MED13L: variants seen among roughly 807,000 people sequenced by gnomAD.
MED13L encodes mediator complex subunit 13L.
MED13L carries 7 observed loss-of-function variants against 220.9 expected under a neutral mutation model. That is an observed-to-expected ratio of 0.03 (90% confidence interval 0.02 to 0.06). The LOEUF is 0.06. Ranked by LOEUF, MED13L falls within the 10% of genes least tolerant of loss-of-function variation. The probability of loss-of-function intolerance (pLI) is 1.00; values close to 1 mark genes in which losing one functional copy is unlikely to be tolerated. For missense variants in MED13L, 1,965 were observed against 2,760.5 expected (o/e 0.71, Z 6.46); for synonymous variants, 1,011 against 1,015.2 (o/e 1.00, Z 0.08).
At chr12:116,237,441 T>A in intron 2 of MED13L, 27 bp downstream of exon 2, 1 of 1,530,670 alleles carries the variant, frequency 6.5e-7, no homozygotes, top group South Asian at 1.1e-5. Flanking sequence ...ATGCAAATAA[T>A]TTTTAAGAAA....
chr12:115,989,601 C>G (rs181501250), intron 17 of MED13L, among the ~76,000 whole-genome samples: 1 of 152,138 alleles, frequency 6.6e-6, no homozygotes, highest in East Asian at 1.9e-4. Flanking sequence ...GATACCTCTA[C>G]CTGGATATAT....
intron 2 of MED13L, among the ~76,000 whole-genome samples, chr12:116,221,177 C>T (rs1345976001): frequency 2.0e-5 from 3 of 151,968 alleles, no homozygotes; most frequent in African/African-American, 4.8e-5. Flanking sequence ...GAGTTCAAGA[C>T]CAATCTGGAC....
chr12:116,018,405 A>T (rs1249693888), intron 7 of MED13L, among the ~76,000 whole-genome samples: 1 of 152,194 alleles, frequency 6.6e-6, no homozygotes, highest in African/African-American at 2.4e-5. Flanking sequence ...TTACGTATGT[A>T]TCATGCTTGA....
At chr12:116,170,517 T>C (rs1879591250) in intron 2 of MED13L, among the ~76,000 whole-genome samples, 2 of 152,096 alleles carry the variant, frequency 1.3e-5, no homozygotes, top group African/African-American at 4.8e-5. Context: ...GTGATTCATG[T>C]ATACCTGCCA....
At chr12:116,075,666 T>A (rs1195201026) in intron 4 of MED13L, among the ~76,000 whole-genome samples, 1 of 152,216 alleles carries the variant, frequency 6.6e-6, no homozygotes, top group Non-Finnish European at 1.5e-5. Flanking sequence ...TCCTGCCATT[T>A]CAATTTGTCT....
At position 115,966,227 on chromosome 12, in the gene MED13L, A is replaced by C. The variant is rs775809961; in HGVS notation, c.6242T>G (p.Leu2081Arg). 2.5e-6 allele frequency: 4 copies of C among 1,614,170 alleles called. No individual in the cohort carries two copies. Among genetic ancestry groups the C allele is most frequent in the Middle Eastern group, 1.7e-4 (1 of 6,060 alleles). ...FQHSRSQGERLLSREAPEELK... is the reference protein window; with the variant it reads ...FQHSRSQGERRLSREAPEELK... ...CTCCTCTGGTGCTTCTCTAGAAAGA[A>C]GACGCTCACCCTGGCTCTGAAAAAC... Residue 2081 changes from leucine (L) to arginine (R), a missense_variant, in exon 29 of 31, where the codon CTT becomes CGT. Physicochemically the swap from Leu to Arg is moderately radical, Grantham distance 102. This residue lies in a region of MED13L where 145 missense variants were observed against 328.3 expected (regional missense o/e 0.44). Transcript: ENST00000281928.
chr12:115,988,586 T>G (rs899584180), intron 17 of MED13L, among the ~76,000 whole-genome samples: 1 of 152,198 alleles, frequency 6.6e-6, no homozygotes, highest in Non-Finnish European at 1.5e-5. Context: ...AACCACAGAT[T>G]TGAGGAAACT....
At position 116,180,310 on chromosome 12, in the gene MED13L, A is replaced by C. The variant is rs544103654; in HGVS notation, c.310+57158T>G. Among the ~76,000 whole-genome samples, 4 of 152,348 alleles carry C rather than the reference A, an allele frequency of 2.6e-5. No homozygotes were observed. In the East Asian group the frequency reaches 7.7e-4, roughly 29 times the overall value. On this transcript the variant is annotated intron_variant, in intron 2 of 30. Transcript: ENST00000281928. The stretch of plus-strand genomic sequence containing the variant: ...CAAAACCCAAAACTTTTTGAGTGCC[A>C]ACATGATACCACAAGCGAAAAATTC...
intron 3 of MED13L, among the ~76,000 whole-genome samples, chr12:116,101,885 T>C (rs958252054): frequency 6.6e-6 from 1 of 152,202 alleles, no homozygotes; most frequent in Admixed American, 6.5e-5. Context: ...TAAGACTATA[T>C]ATCAATTAAC....
intron 4 of MED13L, among the ~76,000 whole-genome samples, chr12:116,025,624 A>C (rs771063265): frequency 2.0e-5 from 3 of 152,246 alleles, no homozygotes; most frequent in Non-Finnish European, 4.4e-5. Flanking sequence ...CAGATCAGAC[A>C]CATAAAGACA....
chr12:116,269,160 G>C (rs748585518), intron 1 of MED13L, among the ~76,000 whole-genome samples: 3 of 152,122 alleles, frequency 2.0e-5, no homozygotes, highest in Non-Finnish European at 4.4e-5. Flanking sequence ...CCTAGTTCAA[G>C]CGATTCTCCT....
chr12:116,225,654 A>G (rs1868907905), intron 2 of MED13L, among the ~76,000 whole-genome samples: 1 of 152,360 alleles, frequency 6.6e-6, no homozygotes, highest in African/African-American at 2.4e-5. Context: ...AATATATTTC[A>G]AAGTGAATAA....
At chr12:116,008,003 TATAA>T (rs1879159384) in intron 10 of MED13L, 1 of 330,230 alleles carries the variant, frequency 3.0e-6, no homozygotes, top group Non-Finnish European at 5.5e-6. Context: ...TCAAAAGAGC[TATAA>T]ATATTATACT....
chr12:116,241,611 TCAGTGGCAAAGGGAA>T (rs972790820), intron 1 of MED13L, among the ~76,000 whole-genome samples: 6 of 152,120 alleles, frequency 3.9e-5, no homozygotes, highest in Admixed American at 3.3e-4. Context: ...ATCTATGCTC[TCAGTGGCAAAGGGAA>T]GCTGCTACCA....
intron 4 of MED13L, among the ~76,000 whole-genome samples, chr12:116,069,434 C>T (rs1473732067): frequency 6.6e-6 from 1 of 152,096 alleles, no homozygotes; most frequent in African/African-American, 2.4e-5. Flanking sequence ...TTGTACTTCC[C>T]ATTTGCTTTC....
intron 1 of MED13L, among the ~76,000 whole-genome samples, chr12:116,247,337 T>C (rs956820874): frequency 2.0e-5 from 3 of 152,196 alleles, no homozygotes; most frequent in Non-Finnish European, 4.4e-5. Context: ...TATAGACTTA[T>C]TCTAGACAAA....
chr12:116,199,624 A>G (rs1412687933), intron 2 of MED13L, among the ~76,000 whole-genome samples: 2 of 152,216 alleles, frequency 1.3e-5, no homozygotes, highest in East Asian at 3.8e-4. Context: ...CACTTTCAGA[A>G]AAACAGTTCC....
At position 115,980,764 on chromosome 12, in the gene MED13L, G is replaced by C; in HGVS notation, c.5350C>G (p.Leu1784Val). ...CCAATACCTACCTCAGGGTTCTTGA[G>C]GGTCATCTCAATGCTGGCTGCAGGC... The part of the protein sequence containing the change: ...FGPAASIEMT[L>V]KNPERPSPIQ... Residue 1784 changes from leucine to valine, a missense_variant, in exon 23 of 31, where the codon CTC becomes GTC. Leu to Val is a conservative substitution (Grantham distance 32). This residue lies in a region of MED13L where 510 missense variants were observed against 620.4 expected (regional missense o/e 0.82). Coordinates refer to ENST00000281928, the MANE Select transcript of MED13L (RefSeq NM_015335.5). 6.2e-7 allele frequency: 1 copy of C among 1,614,070 alleles called. No individual in the cohort carries two copies. Among genetic ancestry groups the C allele is most frequent in the Non-Finnish European group, 8.5e-7 (1 of 1,180,020 alleles).
intron 2 of MED13L, among the ~76,000 whole-genome samples, chr12:116,176,721 G>A (rs1330249915): frequency 6.6e-6 from 1 of 151,936 alleles, no homozygotes; most frequent in Non-Finnish European, 1.5e-5. Flanking sequence ...AAAATGGTAT[G>A]GATCAAGAGA....
Sources: gnomAD v4.1 joint callset for allele counts (sites outside exome capture counted in the v4.1 genomes callset) on GRCh38, gnomAD v4.1.1 for gene constraint, gnomAD v4.1.1 regional missense constraint, MANE v1.5 for transcripts, NCBI Gene and HGNC (gene_info 2026-07-23, HGNC 2026-07-21) for gene names.